MAGI1: variants seen among roughly 807,000 people sequenced by gnomAD.
MAGI1 encodes the protein membrane-associated guanylate kinase, WW and PDZ domain-containing protein 1.
A neutral mutation model predicts 139.9 loss-of-function variants in MAGI1; 58 were observed. The ratio of observed to expected loss-of-function variants is 0.41; its 90% CI spans 0.34 to 0.52. The LOEUF (loss-of-function observed/expected upper bound fraction) is 0.52, where lower values mean the gene tolerates loss of function less well. Among genes scored for constraint, MAGI1 ranks in the 20% least tolerant of loss-of-function variants. The probability of loss-of-function intolerance (pLI) is 0.12; values close to 1 mark genes in which losing one functional copy is unlikely to be tolerated. For missense variants in MAGI1, 1,874 were observed against 1,901.6 expected, an observed-to-expected ratio of 0.99 and a Z score of 0.27; for synonymous variants, 812 against 737.9, an observed-to-expected ratio of 1.10 and a Z score of -1.63.
chr3:65,506,047 T>C (rs938244666), intron 2 of MAGI1, among the ~76,000 whole-genome samples: 4 of 152,192 alleles, frequency 2.6e-5, no homozygotes, highest in Non-Finnish European at 4.4e-5. Flanking sequence ...GACCATGTTA[T>C]GTCGTTTTCC....
chr3:65,905,508 C>A (rs1045296462), intron 1 of MAGI1, among the ~76,000 whole-genome samples: 10 of 150,336 alleles, frequency 6.7e-5, no homozygotes, highest in African/African-American at 2.2e-4. Flanking sequence ...AAAAAAAATT[C>A]TTTTTCTTAT....
chr3:65,845,967 G>A (rs2108363446), intron 1 of MAGI1, among the ~76,000 whole-genome samples: 1 of 152,340 alleles, frequency 6.6e-6, no homozygotes, highest in East Asian at 1.9e-4. Flanking sequence ...AAAGCAGGTA[G>A]ACAGCCGGGC....
intron 1 of MAGI1, among the ~76,000 whole-genome samples, chr3:65,836,055 G>T (rs985255568): frequency 1.3e-5 from 2 of 152,278 alleles, no homozygotes; most frequent in Admixed American, 1.3e-4. Context: ...GTGGCTTGTG[G>T]CATCTCATCC....
intron 2 of MAGI1, among the ~76,000 whole-genome samples, chr3:65,610,760 T>TAC (rs2083020223): frequency 2.4e-5 from 1 of 41,788 alleles, no homozygotes; most frequent in African/African-American, 7.6e-5. Context: ...ACAGTATATA[T>TAC]ATAGCATATA....
chr3:65,907,698 T>C (rs2061493223), intron 1 of MAGI1: 1 of 152,196 alleles, frequency 6.6e-6, no homozygotes, highest in South Asian at 2.1e-4. Context: ...AGAGTTGCCA[T>C]AGCTCCCTCT....
chr3:65,587,490 T>TTG (rs2081744681), intron 2 of MAGI1, among the ~76,000 whole-genome samples: 1 of 144,698 alleles, frequency 6.9e-6, no homozygotes, highest in African/African-American at 2.6e-5. Flanking sequence ...TTTTTTTTTT[T>TTG]TTTTTTTTTT....
At chr3:65,921,340 C>T (rs958924698) in intron 1 of MAGI1, among the ~76,000 whole-genome samples, 2 of 149,900 alleles carry the variant, frequency 1.3e-5, no homozygotes, top group Admixed American at 1.3e-4. Context: ...CAGGGTCTCA[C>T]TCTGCTGCCC....
chr3:65,545,527 A>G (rs2079451697), intron 2 of MAGI1, among the ~76,000 whole-genome samples: 1 of 152,214 alleles, frequency 6.6e-6, no homozygotes, highest in Admixed American at 6.5e-5. Flanking sequence ...GGAAGTACCC[A>G]TAGTGAAGTA....
rs560607908 is a variant in MAGI1 at position 65,956,024 on chromosome 3, G to A, written c.313+81972C>T. ...GGGCCGAAGGAGTGTTTATGGTTCT[G>A]CCCGGCCATAAACATGCCAGCCTTC... On this transcript the variant is annotated intron_variant, in intron 1 of 22. Coordinates refer to ENST00000402939, the MANE Select transcript of MAGI1 (RefSeq NM_001033057.2). 7.7e-4 allele frequency among the ~76,000 whole-genome samples: 117 copies of A among 152,174 alleles called. No individual in the cohort carries two copies. In the Middle Eastern group the frequency reaches 0.01, roughly 13 times the overall value.
chr3:65,581,292 T>A (rs1030303197), intron 2 of MAGI1, among the ~76,000 whole-genome samples: 6 of 152,048 alleles, frequency 3.9e-5, no homozygotes, highest in African/African-American at 1.4e-4. Context: ...TATGAACCTT[T>A]ACTAAAGATC....
Position 65,387,532 on chromosome 3 carries a change from C to G in MAGI1, c.2416+3610G>C, listed in dbSNP as rs553592564. On this transcript the variant is annotated intron_variant, in intron 14 of 22. Coordinates refer to ENST00000402939, the MANE Select transcript of MAGI1 (RefSeq NM_001033057.2). ...TACACATTCTTGAATGGCCTTACTT[C>G]AATCATGGTTTGTCTAAAACCTTAT... Among the ~76,000 whole-genome samples, 225 of 152,198 alleles carry G rather than the reference C, an allele frequency of 1.5e-3. 1 individual carries two copies. The highest frequency in any genetic ancestry group is 1.9e-3 in the Non-Finnish European group (132 of 68,016).
chr3:65,689,805 G>A (rs2088411667), intron 1 of MAGI1, among the ~76,000 whole-genome samples: 1 of 152,162 alleles, frequency 6.6e-6, no homozygotes, highest in Non-Finnish European at 1.5e-5. Flanking sequence ...CTAACTAGAA[G>A]GTCAATTAAC....
intron 1 of MAGI1, among the ~76,000 whole-genome samples, chr3:66,020,255 G>A (rs2067890342): frequency 6.6e-6 from 1 of 152,130 alleles, no homozygotes; most frequent in African/African-American, 2.4e-5. Flanking sequence ...TAGCCAACAT[G>A]GTGAAACTCC....
intron 2 of MAGI1, among the ~76,000 whole-genome samples, chr3:65,573,269 A>G (rs1238214950): frequency 6.6e-6 from 1 of 152,088 alleles, no homozygotes; most frequent in African/African-American, 2.4e-5. Context: ...TTGCAAACCA[A>G]TATTTCACAG....
At chr3:65,929,402 G>A (rs1021503569) in intron 1 of MAGI1, among the ~76,000 whole-genome samples, 2 of 150,986 alleles carry the variant, frequency 1.3e-5, no homozygotes, top group African/African-American at 2.4e-5. Flanking sequence ...GTGCAGTGGC[G>A]CGATCTCAGC....
intron 3 of MAGI1, among the ~76,000 whole-genome samples, chr3:65,479,799 TTAAA>T (rs1951144346): frequency 6.6e-6 from 1 of 152,130 alleles, no homozygotes; most frequent in Middle Eastern, 3.4e-3. Context: ...AAAGATAACA[TTAAA>T]TAAATAATAC....
chr3:65,877,357 CAT>C (rs1270121884), intron 1 of MAGI1, among the ~76,000 whole-genome samples: 1 of 152,142 alleles, frequency 6.6e-6, no homozygotes, highest in Non-Finnish European at 1.5e-5. Flanking sequence ...CATCTCAGGG[CAT>C]GGACTTATAC....
chr3:65,651,081 T>C (rs2085551401), intron 1 of MAGI1, among the ~76,000 whole-genome samples: 1 of 152,218 alleles, frequency 6.6e-6, no homozygotes, highest in Non-Finnish European at 1.5e-5. Flanking sequence ...TTTTATTCTC[T>C]ATAATTCTGC....
At position 65,691,137 on chromosome 3, in the gene MAGI1, C is replaced by T. The variant is rs560607749; in HGVS notation, c.314-69049G>A. On this transcript the variant is annotated intron_variant, in intron 1 of 22. Coordinates refer to ENST00000402939, the MANE Select transcript of MAGI1 (RefSeq NM_001033057.2). ...CTAACACGGGGAAACCCCGTCTCTA[C>T]TAAAAATACAAAAAAATTAGCCGGG... Among the ~76,000 whole-genome samples, 82 of 151,844 alleles carry T rather than the reference C, an allele frequency of 5.4e-4. 2 individuals are homozygous for T. The highest frequency in any genetic ancestry group is 5.3e-3 in the Admixed American group (81 of 15,244).
Sources: gnomAD v4.1 joint callset for allele counts (sites outside exome capture counted in the v4.1 genomes callset) on GRCh38, gnomAD v4.1.1 for gene constraint, MANE v1.5 for transcripts, NCBI Gene and HGNC (gene_info 2026-07-23, HGNC 2026-07-21) for gene names.